Variants in GLT8D2 observed in about 807,000 individuals in gnomAD.
GLT8D2 encodes glycosyltransferase 8 domain containing 2.
GLT8D2 carries 45 observed loss-of-function variants against 44.5 expected under a neutral mutation model. That is an observed-to-expected ratio of 1.01 (90% CI 0.80 to 1.30). The LOEUF (loss-of-function observed/expected upper bound fraction) is 1.30, where lower values mean the gene tolerates loss of function less well. Ranked by LOEUF, GLT8D2 falls within the 50% of genes most tolerant of loss-of-function variation. The pLI is 0.00. For missense variants in GLT8D2, 400 were observed against 430.4 expected (o/e 0.93, Z 0.62); for synonymous variants, 156 against 157.2 (o/e 0.99, Z 0.06).
At chr12:104,019,032 T>G (rs796262898) in intron 3 of GLT8D2, among the ~76,000 whole-genome samples, 6 of 150,816 alleles carry the variant, frequency 4.0e-5, no homozygotes, top group Non-Finnish European at 8.9e-5. Flanking sequence ...AACATGAATA[T>G]TTATTCCGAA....
At chr12:104,015,299 G>A (rs561658985) in intron 3 of GLT8D2, among the ~76,000 whole-genome samples, 194 bp from the exon 4 acceptor site, 30 of 151,982 alleles carry the variant, frequency 2.0e-4, no homozygotes, top group Middle Eastern at 3.4e-3. Context: ...TGTAATCCCA[G>A]TACTTTGGGA....
chr12:104,063,769 C>T (rs1234768129), intron 1 of GLT8D2, among the ~76,000 whole-genome samples: 1 of 151,968 alleles, frequency 6.6e-6, no homozygotes, highest in African/African-American at 2.4e-5. Context: ...ATTTCCCCGT[C>T]CATGAAAGGG....
chr12:104,059,965 G>A (rs1483248947), intron 1 of GLT8D2, among the ~76,000 whole-genome samples: 1 of 152,084 alleles, frequency 6.6e-6, no homozygotes, highest in Admixed American at 6.5e-5. Context: ...CATGTTATCC[G>A]CATTTTCTAA....
intron 10 of GLT8D2, among the ~76,000 whole-genome samples, chr12:103,992,368 C>T (rs1323360208): frequency 6.6e-6 from 1 of 152,036 alleles, no homozygotes; most frequent in Admixed American, 6.5e-5. Context: ...TCATCCTAAG[C>T]CATTATGCTA....
rs140681049 is a variant in GLT8D2, at chr12:104,011,893, C to T, written c.112+3120G>A. Reference sequence around the variant, plus strand: ...AATACTAAAGAATATATACCTGGGCCGGGCGCAGTGGCTCACATCTGTAAT... The same window carrying T: ...AATACTAAAGAATATATACCTGGGCTGGGCGCAGTGGCTCACATCTGTAAT... On this transcript the variant is annotated intron_variant, in intron 4 of 10. Transcript: ENST00000360814. Among the ~76,000 whole-genome samples the T allele has an allele frequency of 1.8e-3, 271 of 151,956 alleles. 1 individual carries two copies. Among genetic ancestry groups the T allele is most frequent in the African/African-American group, 6.0e-3 (249 of 41,448 alleles).
At chr12:104,015,256 G>T (rs531389017) in intron 3 of GLT8D2, 151 bp from the exon 4 acceptor site, 4 of 612,686 alleles carry the variant, frequency 6.5e-6, no homozygotes, top group South Asian at 1.9e-5. Flanking sequence ...ATAGAATAAA[G>T]AATTAACCTG....
intron 4 of GLT8D2, among the ~76,000 whole-genome samples, chr12:104,008,130 C>T (rs1005750961): frequency 4.6e-5 from 7 of 152,162 alleles, no homozygotes; most frequent in Non-Finnish European, 7.3e-5. Flanking sequence ...ATGGAAGCAA[C>T]TTTGGAACTG....
At chr12:104,010,130 T>C (rs757148166) in intron 4 of GLT8D2, among the ~76,000 whole-genome samples, 4 of 152,196 alleles carry the variant, frequency 2.6e-5, no homozygotes, top group Non-Finnish European at 5.9e-5. Flanking sequence ...TGCCAAAAAA[T>C]GAGAATTTGA....
At chr12:104,002,043 A>G (rs1593533006) in intron 5 of GLT8D2, among the ~76,000 whole-genome samples, 1 of 152,172 alleles carries the variant, frequency 6.6e-6, no homozygotes, top group South Asian at 2.1e-4. Flanking sequence ...TGATGCGATC[A>G]TAGCTTACAG....
intron 1 of GLT8D2, among the ~76,000 whole-genome samples, chr12:104,025,647 T>C (rs553578329): frequency 6.6e-6 from 1 of 152,370 alleles, no homozygotes; most frequent in South Asian, 2.1e-4. Flanking sequence ...AGAGTTAATT[T>C]TTGTATATAT....
At chr12:104,048,863 G>A (rs1170331257) in intron 1 of GLT8D2, among the ~76,000 whole-genome samples, 2 of 152,196 alleles carry the variant, frequency 1.3e-5, no homozygotes, top group Admixed American at 6.5e-5. Context: ...ATTAGGTCAT[G>A]TAATTTCCAT....
At chr12:104,046,675 C>T (rs557508201) in intron 1 of GLT8D2, among the ~76,000 whole-genome samples, 2 of 152,282 alleles carry the variant, frequency 1.3e-5, no homozygotes, top group East Asian at 1.9e-4. Context: ...AAGTCATTAA[C>T]AGGACAAGAG....
chr12:104,033,270 T>G (rs1246671972), intron 1 of GLT8D2, among the ~76,000 whole-genome samples: 1 of 152,022 alleles, frequency 6.6e-6, no homozygotes, highest in Non-Finnish European at 1.5e-5. Context: ...TATATATGAG[T>G]ATGTGTGTGT....
chr12:104,022,443 C>T (rs1878021335), intron 1 of GLT8D2, among the ~76,000 whole-genome samples: 1 of 152,172 alleles, frequency 6.6e-6, no homozygotes, highest in African/African-American at 2.4e-5. Flanking sequence ...CTCTACCCAA[C>T]TTCAAGTAAC....
intron 4 of GLT8D2, among the ~76,000 whole-genome samples, chr12:104,014,608 C>T (rs1419145325): frequency 6.6e-6 from 1 of 152,104 alleles, no homozygotes; most frequent in East Asian, 1.9e-4. Context: ...AGGGTGGTTT[C>T]CATAAGCAAA....
In GLT8D2 at chr12:103,989,549, C is replaced by G; in HGVS notation, c.909G>C (p.Glu303Asp). 1.9e-6 allele frequency: 3 copies of G among 1,612,914 alleles called. No individual in the cohort carries two copies. The highest frequency in any genetic ancestry group is 2.5e-6 in the Non-Finnish European group (3 of 1,179,514). Residue 303 changes from glutamate (E) to aspartate (D), a missense_variant, in exon 11 of 11, where the codon GAG becomes GAC. Glu to Asp is a conservative substitution (Grantham distance 45). Transcript: ENST00000360814. ...GTAATTTAGCTTCCTGCAGAAAATGCTCCGAATATCTGGCATCTGGATTCC... is the reference window on the plus strand; with the variant it reads ...GTAATTTAGCTTCCTGCAGAAAATGGTCCGAATATCTGGCATCTGGATTCC... ...LGWNPDARYS[E>D]HFLQEAKLLH... is the part of the protein sequence containing the mutation.
At chr12:103,998,182 T>C (rs963731088) in intron 6 of GLT8D2, among the ~76,000 whole-genome samples, 4 of 152,048 alleles carry the variant, frequency 2.6e-5, no homozygotes, top group African/African-American at 9.7e-5. Flanking sequence ...AACAATCATA[T>C]GTAGAAGGTG....
chr12:104,032,466 CAA>C lies in GLT8D2; in HGVS notation c.-163-10977_-163-10976del, dbSNP rs547392677. 9.0e-3 allele frequency among the ~76,000 whole-genome samples: 537 copies of C among 59,630 alleles called. 2 individuals are homozygous for C. Among genetic ancestry groups the C allele is most frequent in the East Asian group, 0.026 (96 of 3,642 alleles). 39.1% of individuals were successfully genotyped at this position (59,630 alleles called of 152,430 possible). The stretch of plus-strand genomic sequence containing the variant: ...ATAATAAAGGAGTGATGTGCAATAG[CAA>C]AAAAAAAAAAAAAAAAAAAAAAATA... On this transcript the variant is annotated intron_variant, in intron 1 of 10. Transcript: ENST00000360814.
intron 4 of GLT8D2, among the ~76,000 whole-genome samples, chr12:104,008,682 C>T (rs1245558056): frequency 6.6e-6 from 1 of 152,282 alleles, no homozygotes; most frequent in Non-Finnish European, 1.5e-5. Flanking sequence ...GAGGGCTTCA[C>T]AGCTGCCCCT....
Sources: gnomAD v4.1 joint callset for allele counts (sites outside exome capture counted in the v4.1 genomes callset) on GRCh38, gnomAD v4.1.1 for gene constraint, MANE v1.5 for transcripts, NCBI Gene and HGNC (gene_info 2026-07-23, HGNC 2026-07-21) for gene names.